The following KCNH7 variants were observed in gnomAD, a reference collection of about 807,000 sequenced individuals.
The protein encoded by KCNH7 is potassium voltage-gated channel subfamily H member 7.
In KCNH7, 49 loss-of-function variants were observed where a neutral mutation model predicts 120.8. The ratio of observed to expected loss-of-function variants is 0.41; its 90% CI spans 0.32 to 0.51. The LOEUF is 0.51. Ranked by LOEUF, KCNH7 falls within the 20% of genes least tolerant of loss-of-function variation. The probability of loss-of-function intolerance (pLI) is 0.38; values close to 1 mark genes in which losing one functional copy is unlikely to be tolerated. For missense variants in KCNH7, 1,097 were observed against 1,446.6 expected (o/e 0.76, Z 3.92); for synonymous variants, 547 against 516.1 (o/e 1.06, Z -0.81).
chr2:162,710,686 A>C (rs561919271), intron 2 of KCNH7, among the ~76,000 whole-genome samples: 1 of 152,312 alleles, frequency 6.6e-6, no homozygotes, highest in South Asian at 2.1e-4. Context: ...GTAAGGATGC[A>C]ATAAGTATCA....
chr2:162,772,707 G>A (rs1055211799), intron 2 of KCNH7, among the ~76,000 whole-genome samples: 1 of 152,194 alleles, frequency 6.6e-6, no homozygotes, highest in Non-Finnish European at 1.5e-5. Flanking sequence ...TAGGAATACA[G>A]TTCAAGTAAA....
chr2:162,491,969 A>G (rs564948185), intron 6 of KCNH7, among the ~76,000 whole-genome samples: 61 of 152,200 alleles, frequency 4.0e-4, no homozygotes, highest in African/African-American at 1.3e-3. Context: ...CCTTAGATGC[A>G]TCCTCAAATG....
At chr2:162,675,321 C>G (rs975420535) in intron 2 of KCNH7, among the ~76,000 whole-genome samples, 2 of 151,378 alleles carry the variant, frequency 1.3e-5, no homozygotes, top group African/African-American at 4.8e-5. Context: ...CAAACAGCAT[C>G]AAGCATTGAT....
At position 162,522,798 on chromosome 2, in the gene KCNH7, A is replaced by C. The variant is rs542390935; in HGVS notation, c.464-4640T>G. On this transcript the variant is annotated intron_variant, in intron 3 of 15. Coordinates refer to ENST00000332142, the MANE Select transcript of KCNH7 (RefSeq NM_033272.4). ...TACATGATTATAATTTTGTTTAAAC[A>C]CATCCTTTTCATCTAAGAAGGCATA... Among the ~76,000 whole-genome samples the C allele has an allele frequency of 2.0e-5, 3 of 152,002 alleles. No individual in the cohort carries two copies. The South Asian group carries it at 6.2e-4, about 31-fold the overall frequency.
chr2:162,835,635 T>C (rs754746158), intron 2 of KCNH7, among the ~76,000 whole-genome samples: 1 of 151,646 alleles, frequency 6.6e-6, no homozygotes, highest in African/African-American at 2.4e-5. Flanking sequence ...TATATAGATA[T>C]AGATTTATAG....
chr2:162,425,568 A>C (rs1687831842), intron 8 of KCNH7, among the ~76,000 whole-genome samples: 1 of 152,200 alleles, frequency 6.6e-6, no homozygotes, highest in South Asian at 2.1e-4. Flanking sequence ...TACTCATCCT[A>C]AATGTAGTGG....
At chr2:162,575,362 T>G (rs1693634984) in intron 2 of KCNH7, among the ~76,000 whole-genome samples, 1 of 152,082 alleles carries the variant, frequency 6.6e-6, no homozygotes. Context: ...AACTTGATCC[T>G]CTAGAATATT....
At chr2:162,725,302 AT>A (rs904646514) in intron 2 of KCNH7, among the ~76,000 whole-genome samples, 8 of 151,304 alleles carry the variant, frequency 5.3e-5, no homozygotes, top group Non-Finnish European at 1.0e-4. Context: ...GTCTTCCTTA[AT>A]TTTTTTTTGC....
At chr2:162,372,153 A>C in intron 15 of KCNH7, 58 bp from the exon 16 acceptor site, 1 of 1,322,088 alleles carries the variant, frequency 7.6e-7, no homozygotes, top group South Asian at 1.3e-5. Context: ...TAGTCATTGA[A>C]AATTACACTA....
chr2:162,641,491 C>T (rs1684154744), intron 2 of KCNH7, among the ~76,000 whole-genome samples: 1 of 151,922 alleles, frequency 6.6e-6, no homozygotes, highest in Admixed American at 6.6e-5. Flanking sequence ...GGGAGGAGCC[C>T]TTGAGATCAG....
chr2:162,787,156 C>T (rs1423447536), intron 2 of KCNH7, among the ~76,000 whole-genome samples: 1 of 152,088 alleles, frequency 6.6e-6, no homozygotes, highest in Non-Finnish European at 1.5e-5. Flanking sequence ...TCAAGCTGGC[C>T]TGGGCAGTCC....
At chr2:162,405,311 A>G (rs1687178739) in intron 9 of KCNH7, among the ~76,000 whole-genome samples, 1 of 152,014 alleles carries the variant, frequency 6.6e-6, no homozygotes, top group South Asian at 2.1e-4. Context: ...TGATTGTTAA[A>G]TCAATCCTGT....
intron 2 of KCNH7, among the ~76,000 whole-genome samples, chr2:162,557,916 C>T (rs989140086): frequency 1.4e-4 from 21 of 151,900 alleles, no homozygotes; most frequent in Non-Finnish European, 2.6e-4. Flanking sequence ...TGTAATTATA[C>T]GACAAGTTTG....
chr2:162,548,830 A>G (rs1316523015), intron 2 of KCNH7, among the ~76,000 whole-genome samples: 1 of 152,222 alleles, frequency 6.6e-6, no homozygotes, highest in African/African-American at 2.4e-5. Context: ...TGATTAAATA[A>G]GCAGTATCTG....
intron 9 of KCNH7, among the ~76,000 whole-genome samples, chr2:162,414,825 TTG>T (rs1448968394): frequency 6.6e-6 from 1 of 151,986 alleles, no homozygotes; most frequent in East Asian, 1.9e-4. Context: ...TAAGTAAAAT[TTG>T]TGTATATGAG....
At chr2:162,409,558 C>CA (rs1248384782) in intron 9 of KCNH7, among the ~76,000 whole-genome samples, 1 of 151,626 alleles carries the variant, frequency 6.6e-6, no homozygotes, top group Non-Finnish European at 1.5e-5. Flanking sequence ...AACAATGTAT[C>CA]AAAAAATCTA....
At chr2:162,539,971 T>G (rs1692247783) in intron 2 of KCNH7, among the ~76,000 whole-genome samples, 1 of 152,128 alleles carries the variant, frequency 6.6e-6, no homozygotes, top group Admixed American at 6.6e-5. Context: ...GATACTACTT[T>G]GGTCAAGTGA....
At chr2:162,403,236 G>T (rs1687114922) in intron 9 of KCNH7, among the ~76,000 whole-genome samples, 1 of 151,864 alleles carries the variant, frequency 6.6e-6, no homozygotes, top group African/African-American at 2.4e-5. Context: ...TTTGTCTTTG[G>T]TCTGCCTGAT....
chr2:162,519,326 G>T (rs1422074698), intron 3 of KCNH7, among the ~76,000 whole-genome samples: 1 of 151,700 alleles, frequency 6.6e-6, no homozygotes, highest in Non-Finnish European at 1.5e-5. Context: ...GGAATCCTAT[G>T]ATATTCTTTA....
Sources: allele counts gnomAD v4.1 joint callset (sites outside exome capture counted in the v4.1 genomes callset), GRCh38; gene constraint gnomAD v4.1.1; transcripts MANE v1.5; gene names NCBI Gene and HGNC (gene_info 2026-07-23, HGNC 2026-07-21).